Variants in FBXL13 observed in about 807,000 individuals in gnomAD.
FBXL13 encodes F-box and leucine rich repeat protein 13, also known as F-box and leucine-rich repeat protein 13.
Under a neutral mutation model 83.6 loss-of-function variants are expected in FBXL13, and 67 were observed. That is an observed-to-expected ratio of 0.80 (90% CI 0.66 to 0.98). The LOEUF is 0.98. Ranked by LOEUF, FBXL13 falls within the 50% of genes least tolerant of loss-of-function variation. The pLI is 0.00. For missense variants in FBXL13, 822 were observed against 866.5 expected (o/e 0.95, Z 0.64); for synonymous variants, 272 against 299.5 (o/e 0.91, Z 0.95).
chr7:102,951,883 G>GT (rs375983819), intron 8 of FBXL13, among the ~76,000 whole-genome samples: 1 of 151,020 alleles, frequency 6.6e-6, no homozygotes, highest in African/African-American at 2.4e-5. Flanking sequence ...AAAAATAAGG[G>GT]TTTTTTTGAA....
chr7:103,018,236 T>C (rs1246359587), intron 6 of FBXL13, among the ~76,000 whole-genome samples: 2 of 152,082 alleles, frequency 1.3e-5, no homozygotes, highest in Non-Finnish European at 2.9e-5. Context: ...GCTTCATAAG[T>C]GAAGGAGAAA....
At chr7:103,062,599 T>TAA (rs1158700649) in intron 1 of FBXL13, among the ~76,000 whole-genome samples, 1 of 142,244 alleles carries the variant, frequency 7.0e-6, no homozygotes, top group African/African-American at 2.6e-5. Context: ...TCAGGTGACT[T>TAA]AAAAAAAAAA....
In FBXL13 at chr7:102,953,627, T is replaced by C. The variant is rs565513924; in HGVS notation, c.724+9906A>G. 1.9e-4 allele frequency among the ~76,000 whole-genome samples: 29 copies of C among 152,304 alleles called. No homozygotes were observed. In the South Asian group the frequency reaches 5.4e-3, roughly 28 times the overall value. The stretch of plus-strand genomic sequence containing the variant: ...TGCTGGTTGCTCAACATTGTTAATA[T>C]AATAAAAAACACTGAATTGTACTCT... On this transcript the variant is annotated intron_variant, in intron 8 of 19. Coordinates refer to ENST00000313221, the Ensembl canonical transcript of FBXL13.
At chr7:102,823,571 T>TA (rs1430572649) in intron 18 of FBXL13, among the ~76,000 whole-genome samples, 1 of 152,234 alleles carries the variant, frequency 6.6e-6, no homozygotes, top group Non-Finnish European at 1.5e-5. Context: ...GTATACTACT[T>TA]AGAGTATTTC....
chr7:102,997,138 C>T (rs1182429997), intron 6 of FBXL13, among the ~76,000 whole-genome samples: 1 of 152,150 alleles, frequency 6.6e-6, no homozygotes, highest in Non-Finnish European at 1.5e-5. Context: ...TTATTGAAAG[C>T]TTGCCATTTA....
chr7:103,054,989 C>G (rs750949090), intron 2 of FBXL13, 99 bp downstream of exon 3: 5 of 662,492 alleles, frequency 7.5e-6, no homozygotes, highest in Non-Finnish European at 1.1e-5. Flanking sequence ...ACAACAAAAA[C>G]AGTCTGACCT....
Position 102,969,482 on chromosome 7 carries a change from G to A in FBXL13, c.496-1365C>T, listed in dbSNP as rs573257947. Among the ~76,000 whole-genome samples the A allele has an allele frequency of 1.1e-4, 16 of 150,660 alleles. 1 individual carries two copies. In the South Asian group the frequency reaches 2.9e-3, roughly 28 times the overall value. ...AATGCGTGACTGTAATTGAAACTGA[G>A]TCAGAAAAAAAAAAGAAAAGAGAGA... On this transcript the variant is annotated intron_variant, in intron 6 of 19. Coordinates refer to ENST00000313221, the Ensembl canonical transcript of FBXL13.
chr7:102,892,636 C>G (rs1811678634), intron 11 of FBXL13, among the ~76,000 whole-genome samples: 1 of 152,080 alleles, frequency 6.6e-6, no homozygotes, highest in Non-Finnish European at 1.5e-5. Flanking sequence ...TTAAATGATA[C>G]TTAAAACCAC....
intron 2 of FBXL13, among the ~76,000 whole-genome samples, chr7:103,037,352 A>G (rs560997015): frequency 1.3e-5 from 2 of 151,980 alleles, no homozygotes; most frequent in South Asian, 4.2e-4. Flanking sequence ...AATGATTAAA[A>G]CTCCAGCCCC....
chr7:102,973,273 A>G (rs1382284963), intron 6 of FBXL13: 1 of 446,960 alleles, frequency 2.2e-6, no homozygotes, highest in African/African-American at 2.0e-5. Flanking sequence ...TCTCAGGCCC[A>G]GTCCCAAGGC....
chr7:102,963,734 A>G lies in FBXL13; in HGVS notation c.592-69T>C, dbSNP rs1020941188. 5.4e-6 allele frequency: 8 copies of G among 1,469,088 alleles called. No homozygotes were observed. In the Admixed American group the frequency reaches 1.8e-4, roughly 33 times the overall value. 91.0% of individuals were successfully genotyped at this position (1,469,088 alleles called of 1,614,324 possible). A position where few individuals can be genotyped will look rare whatever the true frequency, so the allele number is the denominator to read the frequency against. On this transcript the variant is annotated intron_variant, in intron 7 of 19. Transcript: ENST00000313221. ...CAAAAACAATTGCAACAAAAACAAT[A>G]ATAGACAAATGTGACCTAATTAAAC...
intron 7 of FBXL13, 45 bp from the exon 9 acceptor site, chr7:102,963,710 A>C: frequency 1.3e-6 from 2 of 1,551,406 alleles, no homozygotes; most frequent in South Asian, 1.2e-5. Context: ...GAAAGTCCCC[A>C]AAAACAATTG....
At chr7:103,024,135 A>AAG (rs59206823) in intron 6 of FBXL13, among the ~76,000 whole-genome samples, 4,118 of 96,248 alleles carry the variant, frequency 0.043, 139 homozygotes, top group Non-Finnish European at 0.056. Context: ...AAAAGTTAAA[A>AAG]AGAGAGAGAG....
chr7:102,857,143 CAG>C (rs1197576179), intron 16 of FBXL13, among the ~76,000 whole-genome samples: 3 of 151,990 alleles, frequency 2.0e-5, no homozygotes, highest in African/African-American at 4.8e-5. Context: ...TAGAAGAAAA[CAG>C]GGGGAATGCT....
intron 11 of FBXL13, among the ~76,000 whole-genome samples, chr7:102,908,701 C>A (rs561235674): frequency 6.6e-6 from 1 of 152,378 alleles, no homozygotes; most frequent in African/African-American, 2.4e-5. Context: ...TGGAAGAATT[C>A]TTTGGATTAC....
At chr7:103,033,019 GAC>G (rs1375687632) in intron 2 of FBXL13, among the ~76,000 whole-genome samples, 2 of 151,962 alleles carry the variant, frequency 1.3e-5, no homozygotes, top group Non-Finnish European at 2.9e-5. Context: ...AACAGAGTGA[GAC>G]TCTCTCTCTC....
At chr7:103,023,955 CAG>C (rs1376169948) in intron 6 of FBXL13, among the ~76,000 whole-genome samples, 2 of 152,012 alleles carry the variant, frequency 1.3e-5, no homozygotes, top group Non-Finnish European at 1.5e-5. Context: ...AAAGGAAGAA[CAG>C]ACACCAGGAT....
At chr7:102,991,335 AGTTCT>A (rs1829539015) in intron 6 of FBXL13, among the ~76,000 whole-genome samples, 1 of 152,148 alleles carries the variant, frequency 6.6e-6, no homozygotes, top group Non-Finnish European at 1.5e-5. Flanking sequence ...GAAAATGATG[AGTTCT>A]GTTTTGGTAA....
At chr7:102,876,995 T>G (rs139858531) in intron 16 of FBXL13, among the ~76,000 whole-genome samples, 4 of 152,334 alleles carry the variant, frequency 2.6e-5, no homozygotes, top group Admixed American at 2.6e-4. Context: ...GTCTCAACCC[T>G]GATGAATACA....
Sources: allele counts gnomAD v4.1 joint callset (sites outside exome capture counted in the v4.1 genomes callset), GRCh38; gene constraint gnomAD v4.1.1; transcripts MANE v1.5; gene names NCBI Gene and HGNC (gene_info 2026-07-23, HGNC 2026-07-21).